Variants in GRB14 observed in about 807,000 individuals in gnomAD.
GRB14 encodes growth factor receptor-bound protein 14.
Under a neutral mutation model 69.1 loss-of-function variants are expected in GRB14, and 38 were observed. The ratio of observed to expected loss-of-function variants is 0.55; its 90% CI spans 0.42 to 0.72. The LOEUF (loss-of-function observed/expected upper bound fraction) is 0.72. GRB14 is among the 30% of genes least tolerant of loss of function. The pLI is 0.00. For missense variants in GRB14, 666 were observed against 666.1 expected, an observed-to-expected ratio of 1.00 and a Z score of 0.00; for synonymous variants, 247 against 241.3, an observed-to-expected ratio of 1.02 and a Z score of -0.22.
At chr2:164,573,678 T>A in intron 2 of GRB14, 1 of 1,590,614 alleles carries the variant, frequency 6.3e-7, no homozygotes, top group African/African-American at 1.3e-5. Flanking sequence ...GAAGCCAGAA[T>A]CTTGAGTTGC....
chr2:164,555,715 T>C (rs960917905), intron 2 of GRB14, among the ~76,000 whole-genome samples: 1 of 150,688 alleles, frequency 6.6e-6, no homozygotes, highest in South Asian at 2.1e-4. Flanking sequence ...TAAACAGAAA[T>C]ATAAATTCAT....
chr2:164,524,912 AC>A (rs1191118719), intron 5 of GRB14, 91 bp downstream of exon 5: 1 of 697,432 alleles, frequency 1.4e-6, no homozygotes, highest in African/African-American at 1.9e-5. Context: ...TCAAAGCATA[AC>A]TTTTCAAAAT....
chr2:164,555,715 T>A (rs960917905), intron 2 of GRB14, among the ~76,000 whole-genome samples: 11 of 150,688 alleles, frequency 7.3e-5, no homozygotes, highest in Non-Finnish European at 1.3e-4. Context: ...TAAACAGAAA[T>A]ATAAATTCAT....
intron 6 of GRB14, among the ~76,000 whole-genome samples, chr2:164,514,232 G>A (rs1002722450): frequency 2.6e-5 from 4 of 152,144 alleles, no homozygotes; most frequent in Admixed American, 6.5e-5. Flanking sequence ...CCCACTCTGC[G>A]GAACAGCATG....
chr2:164,526,947 A>G, intron 4 of GRB14, 67 bp downstream of exon 4: 1 of 1,142,960 alleles, frequency 8.7e-7, no homozygotes. Flanking sequence ...TACAGTGACT[A>G]TCTTCTTCAC....
At position 164,579,056 on chromosome 2, in the gene GRB14, A is replaced by G. The variant is rs188913925; in HGVS notation, c.325-31240T>C. Among the ~76,000 whole-genome samples the G allele has an allele frequency of 6.6e-4, 100 of 152,330 alleles. 1 individual carries two copies. In the East Asian group the frequency reaches 0.018, roughly 27 times the overall value. ...TTTAAAAAAAAACAAATTATACAATATTACTTAGTATGACCCCATTTGTGT... is the reference window on the plus strand; with the variant it reads ...TTTAAAAAAAAACAAATTATACAATGTTACTTAGTATGACCCCATTTGTGT... On this transcript the variant is annotated intron_variant, in intron 2 of 13. Coordinates refer to ENST00000263915, the MANE Select transcript of GRB14 (RefSeq NM_004490.3).
intron 2 of GRB14, among the ~76,000 whole-genome samples, chr2:164,549,900 A>G (rs1688489877): frequency 6.7e-6 from 1 of 148,916 alleles, no homozygotes; most frequent in African/African-American, 2.5e-5. Context: ...AAATAAAATA[A>G]AATAAAATAA....
At chr2:164,494,953 AT>A (rs5835985) in intron 12 of GRB14, among the ~76,000 whole-genome samples, 54,287 of 149,996 alleles carry the variant, frequency 0.36, 10,231 homozygotes, top group East Asian at 0.62. Context: ...TTTAGAATGA[AT>A]TTTTTTTTTT....
At chr2:164,534,206 T>TGA (rs1258775481) in intron 3 of GRB14, among the ~76,000 whole-genome samples, 1 of 152,218 alleles carries the variant, frequency 6.6e-6, no homozygotes, top group Non-Finnish European at 1.5e-5. Context: ...AGCCTGGTAA[T>TGA]GAAGATATAA....
At chr2:164,620,963 G>C (rs1459956626) in intron 1 of GRB14, among the ~76,000 whole-genome samples, 156 bp downstream of exon 1, 1 of 152,208 alleles carries the variant, frequency 6.6e-6, no homozygotes, top group Non-Finnish European at 1.5e-5. Context: ...ATGTCCTGCT[G>C]ATCCGGTAGG....
At chr2:164,562,881 C>T (rs1316053269) in intron 2 of GRB14, among the ~76,000 whole-genome samples, 1 of 152,154 alleles carries the variant, frequency 6.6e-6, no homozygotes, top group Admixed American at 6.5e-5. Context: ...CAACACACTT[C>T]CTAAAAACTC....
intron 6 of GRB14, among the ~76,000 whole-genome samples, chr2:164,512,726 G>A (rs1687372149): frequency 6.6e-6 from 1 of 152,198 alleles, no homozygotes; most frequent in Non-Finnish European, 1.5e-5. Flanking sequence ...AACTGTGTAT[G>A]AGGGAAAGAA....
intron 2 of GRB14, among the ~76,000 whole-genome samples, chr2:164,557,006 A>G (rs1425809461): frequency 6.6e-6 from 1 of 152,190 alleles, no homozygotes; most frequent in East Asian, 1.9e-4. Flanking sequence ...ACACATGTGA[A>G]CCAAAGAGAA....
chr2:164,520,146 G>A lies in GRB14; in HGVS notation c.816+1834C>T, dbSNP rs377631282. On this transcript the variant is annotated intron_variant, in intron 6 of 13. Coordinates refer to ENST00000263915, the MANE Select transcript of GRB14 (RefSeq NM_004490.3). Reference sequence around the variant, plus strand: ...AGGCCATAGTCACCCAAACAGTAAAGTACTGGTATAAAAATAGGCACATAG... The same window carrying A: ...AGGCCATAGTCACCCAAACAGTAAAATACTGGTATAAAAATAGGCACATAG... 3.3e-5 allele frequency among the ~76,000 whole-genome samples: 5 copies of A among 152,208 alleles called. No homozygotes were observed. In the East Asian group the frequency reaches 7.7e-4, roughly 23 times the overall value.
At chr2:164,493,308 G>T (rs1686807928) in intron 13 of GRB14, 126 bp from the exon 14 acceptor site, 4 of 760,460 alleles carry the variant, frequency 5.3e-6, no homozygotes, top group East Asian at 5.6e-5. Flanking sequence ...ACAGTGAAAA[G>T]AATGTTACGG....
At chr2:164,528,992 G>T (rs1451046910) in intron 3 of GRB14, among the ~76,000 whole-genome samples, 1 of 152,134 alleles carries the variant, frequency 6.6e-6, no homozygotes, top group Non-Finnish European at 1.5e-5. Context: ...ATAGCCAAAA[G>T]GTGGAAACCT....
chr2:164,568,115 A>C (rs892286662), intron 2 of GRB14, among the ~76,000 whole-genome samples: 1 of 152,202 alleles, frequency 6.6e-6, no homozygotes, highest in African/African-American at 2.4e-5. Context: ...TTTTAACTAT[A>C]GCGATGTCCT....
At chr2:164,598,521 C>T (rs1365265710) in intron 2 of GRB14, among the ~76,000 whole-genome samples, 1 of 152,084 alleles carries the variant, frequency 6.6e-6, no homozygotes, top group Non-Finnish European at 1.5e-5. Context: ...TTTTTATAAT[C>T]GTTTACATAG....
chr2:164,513,571 C>T (rs1443699884), intron 6 of GRB14, among the ~76,000 whole-genome samples: 1 of 151,820 alleles, frequency 6.6e-6, no homozygotes, highest in African/African-American at 2.4e-5. Flanking sequence ...CAAAAGATCA[C>T]ATAACAAGAA....
Sources: gnomAD v4.1 joint callset for allele counts (sites outside exome capture counted in the v4.1 genomes callset) on GRCh38, gnomAD v4.1.1 for gene constraint, MANE v1.5 for transcripts, NCBI Gene and HGNC (gene_info 2026-07-23, HGNC 2026-07-21) for gene names.